The following SYNC variants were observed in gnomAD, a reference collection of about 807,000 sequenced individuals.
The protein encoded by SYNC is syncoilin.
A neutral mutation model predicts 49.5 loss-of-function variants in SYNC; 38 were observed. That is an observed-to-expected ratio of 0.77 (90% CI 0.59 to 1.01). SYNC has a LOEUF of 1.01. Ranked by LOEUF, SYNC falls within the 50% of genes least tolerant of loss-of-function variation. SYNC has a pLI of 0.00. For synonymous variants in SYNC, 201 were observed against 230.8 expected (o/e 0.87, Z 1.17); for missense variants, 579 against 580.6 (o/e 1.00, Z 0.03).
intron 2 of SYNC, among the ~76,000 whole-genome samples, chr1:32,690,976 T>C (rs1457404828): frequency 7.9e-5 from 12 of 152,026 alleles, no homozygotes; most frequent in Non-Finnish European, 1.5e-4. Flanking sequence ...CCCAGTACTT[T>C]GGGAGGCCGA....
chr1:32,680,743 TC>T lies in SYNC; in HGVS notation c.*1106del. On this transcript the variant is annotated 3_prime_UTR_variant, in exon 5 of 5. Transcript: ENST00000409190. ...AGAGTCCTTCAGATGACAGTTGTTGTCCATGGTCTTTGACTATCAAGAGCAG... is the reference window on the plus strand; with the variant it reads ...AGAGTCCTTCAGATGACAGTTGTTGTCATGGTCTTTGACTATCAAGAGCAG... 1.9e-6 allele frequency: 1 copy of T among 538,848 alleles called. No individual in the cohort carries two copies. The highest frequency in any genetic ancestry group is 2.0e-5 in the African/African-American group (1 of 50,754). The allele number at this position is 538,848 out of a possible 1,614,324, so 33.4% of individuals were successfully genotyped here. A position where few individuals can be genotyped will look rare whatever the true frequency, so the allele number is the denominator to read the frequency against.
chr1:32,687,833 A>AAGAATTATTATTATTATTATTATTATT (rs1553199359), intron 2 of SYNC, among the ~76,000 whole-genome samples: 1 of 38,216 alleles, frequency 2.6e-5, no homozygotes, highest in African/African-American at 4.6e-5. Flanking sequence ...CTGCCCAGTG[A>AAGAATTATTATTATTATTATTATTATT]ATTATTATTA....
chr1:32,688,876 C>T (rs1209188161), intron 2 of SYNC, among the ~76,000 whole-genome samples: 1 of 151,180 alleles, frequency 6.6e-6, no homozygotes, highest in African/African-American at 2.4e-5. Context: ...CCACTGCACC[C>T]GGCCTCTGGA....
chr1:32,688,940 C>CT lies in SYNC; in HGVS notation c.1234-4559dup, dbSNP rs963134764. Among the ~76,000 whole-genome samples, 20 of 147,984 alleles carry CT rather than the reference C, an allele frequency of 1.4e-4. 1 individual carries two copies. Among genetic ancestry groups the CT allele is most frequent in the Middle Eastern group, 3.7e-3 (1 of 272 alleles). ...ACCCCCACCCCGCAACACACACACA[C>CT]TTTTTTTTTTCTTTTCTGAGACGGA... On this transcript the variant is annotated intron_variant, in intron 2 of 4. Transcript: ENST00000409190.
chr1:32,687,483 CAACGTGGTGA>C (rs1223824064), intron 2 of SYNC, among the ~76,000 whole-genome samples: 1 of 151,816 alleles, frequency 6.6e-6, no homozygotes, highest in Non-Finnish European at 1.5e-5. Flanking sequence ...CCATCCCGGC[CAACGTGGTGA>C]AACCCCATCT....
In SYNC at chr1:32,680,357, GTT is replaced by G. The variant is rs372285843; in HGVS notation, c.*1491_*1492del. ...AATGGTGTTTTTTTTTTTGTTGTTG[GTT>G]TTTTTTTTTTTTTTTTTAACTTGGG... On this transcript the variant is annotated 3_prime_UTR_variant, in exon 5 of 5. Coordinates refer to ENST00000409190, the MANE Select transcript of SYNC (RefSeq NM_030786.3). 15,165 of 933,598 alleles carry G rather than the reference GTT, an allele frequency of 0.016. No homozygotes were observed. Among genetic ancestry groups the G allele is most frequent in the East Asian group, 0.044 (639 of 14,392 alleles). The allele number at this position is 933,598 out of a possible 1,614,324, so 57.8% of individuals were successfully genotyped here.
chr1:32,683,993 C>A lies in SYNC; in HGVS notation c.1438+17G>T. 6.2e-7 allele frequency: 1 copy of A among 1,610,830 alleles called. No homozygotes were observed. The highest frequency in any genetic ancestry group is 8.5e-7 in the Non-Finnish European group (1 of 1,177,548). ...CAGTAACAATGCAAACACCACTCTTCTCTTCACAAAGATCACCTTGAGACT... is the reference window on the plus strand; with the variant it reads ...CAGTAACAATGCAAACACCACTCTTATCTTCACAAAGATCACCTTGAGACT... On this transcript the variant is annotated intron_variant, in intron 4 of 4. Transcript: ENST00000409190.
intron 1 of SYNC, among the ~76,000 whole-genome samples, chr1:32,698,171 C>T (rs1002862035): frequency 1.4e-5 from 2 of 139,624 alleles, no homozygotes; most frequent in Non-Finnish European, 3.0e-5. Context: ...TGCAGTGAGC[C>T]GAGATCACAC....
intron 1 of SYNC, among the ~76,000 whole-genome samples, chr1:32,700,506 G>A (rs181738575): frequency 2.3e-3 from 347 of 152,260 alleles, no homozygotes; most frequent in African/African-American, 8.1e-3. Context: ...GACCAGCCTG[G>A]CCAACATGGT....
chr1:32,691,839 G>T (rs1650181310), intron 2 of SYNC, among the ~76,000 whole-genome samples: 2 of 152,062 alleles, frequency 1.3e-5, no homozygotes, highest in South Asian at 4.1e-4. Flanking sequence ...TTATATTTCT[G>T]TTGGGCAGCA....
rs1650355463 is a variant in SYNC, at chr1:32,695,204, C to T, written c.894G>A (p.Gln298=). Residue 298 remains glutamine, a synonymous_variant, in exon 2 of 5, where the codon CAG becomes CAA. Coordinates refer to ENST00000409190, the MANE Select transcript of SYNC (RefSeq NM_030786.3). ...CTAGTTGTTGCCGCAGCTGCTCCTT[C>T]TGCTTCTGATAGGCATCCCGGAGCT... ...LAQLRDAYQK[Q]KEQLRQQLEA... is the part of the protein sequence containing the mutation. The T allele has an allele frequency of 6.4e-7, 1 of 1,557,510 alleles. No homozygotes were observed.
rs1649332467 is a variant in SYNC, at chr1:32,680,146, G to A, written c.*1704C>T. ...AATAGGGGGAGATTCAAGTCATATAGATTCCTACTCGAAAATCTTGACACC... is the reference window on the plus strand; with the variant it reads ...AATAGGGGGAGATTCAAGTCATATAAATTCCTACTCGAAAATCTTGACACC... On this transcript the variant is annotated 3_prime_UTR_variant, in exon 5 of 5. Coordinates refer to ENST00000409190, the MANE Select transcript of SYNC (RefSeq NM_030786.3). The A allele has an allele frequency of 9.3e-7, 1 of 1,076,424 alleles. No homozygotes were observed. The highest frequency in any genetic ancestry group is 3.4e-5 in the South Asian group (1 of 29,172). The allele number at this position is 1,076,424 out of a possible 1,614,324, so 66.7% of individuals were successfully genotyped here. A position where few individuals can be genotyped will look rare whatever the true frequency, so the allele number is the denominator to read the frequency against.
chr1:32,683,622 TGTTTTTGTTTTTTGG>T (rs1318253603), intron 4 of SYNC: 3 of 158,558 alleles, frequency 1.9e-5, no homozygotes, highest in South Asian at 1.9e-4. Context: ...GGTTTTTTGT[TGTTTTTGTTTTTTGG>T]GTTTTTGTTT....
At position 32,680,902 on chromosome 1, in the gene SYNC, CTG is replaced by C. The variant is rs1199412421; in HGVS notation, c.*946_*947del. ...AAGGTAACGTTTCTTTGAAGTCTAT[CTG>C]TAGAGAACTACATGGACTTCCAAGA... On this transcript the variant is annotated 3_prime_UTR_variant, in exon 5 of 5. Transcript: ENST00000409190. The C allele has an allele frequency of 2.4e-5, 5 of 207,104 alleles. No homozygotes were observed. The highest frequency in any genetic ancestry group is 4.8e-5 in the Non-Finnish European group (5 of 104,410). 12.8% of individuals were successfully genotyped at this position (207,104 alleles called of 1,614,324 possible).
intron 2 of SYNC, among the ~76,000 whole-genome samples, chr1:32,692,416 T>TA (rs1338960358): frequency 6.6e-6 from 1 of 152,102 alleles, no homozygotes; most frequent in African/African-American, 2.4e-5. Context: ...ACCAATTTTT[T>TA]AAAAAATAGG....
rs770596312 is a variant in SYNC at position 32,694,882 on chromosome 1, C to T, written c.1216G>A (p.Glu406Lys). ...IALVRQKRDE[E>K]VQQYREQLEE... ...GGGCCTACCCTGTACTGCTGCACCT[C>T]TTCATCTCGTTTTTGCCTCACAAGT... The change falls in exon 2 of 5, where the codon GAG becomes AAG. Residue 406 changes from glutamate (E) to lysine (K), a missense_variant. By Grantham distance (56) the Glu-to-Lys change is moderately conservative. Coordinates refer to ENST00000409190, the MANE Select transcript of SYNC (RefSeq NM_030786.3). 3.1e-6 allele frequency: 5 copies of T among 1,607,342 alleles called. No homozygotes were observed. The highest frequency in any genetic ancestry group is 2.5e-6 in the Non-Finnish European group (3 of 1,177,326).
At position 32,683,987 on chromosome 1, in the gene SYNC, ACTCTT is replaced by A. The variant is rs574323478; in HGVS notation, c.1438+18_1438+22del. On this transcript the variant is annotated intron_variant, in intron 4 of 4. Coordinates refer to ENST00000409190, the MANE Select transcript of SYNC (RefSeq NM_030786.3). ...GGAAAGCAGTAACAATGCAAACACC[ACTCTT>A]CTCTTCACAAAGATCACCTTGAGAC... The A allele has an allele frequency of 4.4e-3, 7,109 of 1,608,102 alleles. 17 individuals are homozygous for A. The highest frequency in any genetic ancestry group is 0.024 in the Middle Eastern group (146 of 6,052).
Position 32,694,899 on chromosome 1 carries a change from C to T in SYNC, c.1199G>A (p.Arg400Lys), listed in dbSNP as rs1343616077. 2.5e-6 allele frequency: 4 copies of T among 1,609,946 alleles called. No homozygotes were observed. Among genetic ancestry groups the T allele is most frequent in the Non-Finnish European group, 3.4e-6 (4 of 1,178,770 alleles). The change falls in exon 2 of 5, where the codon AGG (arginine) becomes AAG (lysine). Residue 400 changes from arginine (R) to lysine (K), a missense_variant. Transcript: ENST00000409190. ...CTGCACCTCTTCATCTCGTTTTTGC[C>T]TCACAAGTGCGATCTGGTCCTCCAG... ...RNLEDQIALV[R>K]QKRDEEVQQY... is the part of the protein sequence containing the mutation.
chr1:32,702,559 A>G lies in SYNC; in HGVS notation c.53+49T>C. Reference sequence around the variant, plus strand: ...CGGGGGGAAAGGGAACCCGTCCAGCAGCACCCCTTCCCCAGCGGGGCGGCG... The same window carrying G: ...CGGGGGGAAAGGGAACCCGTCCAGCGGCACCCCTTCCCCAGCGGGGCGGCG... On this transcript the variant is annotated intron_variant, in intron 1 of 4. Transcript: ENST00000409190. The surrounding 1 kb of genome is among the most constrained non-coding windows in gnomAD (Gnocchi z 6.2). 1.7e-6 allele frequency: 2 copies of G among 1,208,646 alleles called. No homozygotes were observed. The highest frequency in any genetic ancestry group is 8.3e-5 in the South Asian group (2 of 24,104). 74.9% of individuals were successfully genotyped at this position (1,208,646 alleles called of 1,614,324 possible).
Sources: allele counts gnomAD v4.1 joint callset (sites outside exome capture counted in the v4.1 genomes callset), GRCh38; gene constraint gnomAD v4.1.1; non-coding constraint Gnocchi (gnomAD v3.1); transcripts MANE v1.5; gene names NCBI Gene and HGNC (gene_info 2026-07-23, HGNC 2026-07-21).